DOCK2: variants seen among roughly 807,000 people sequenced by gnomAD.
DOCK2 encodes the protein dedicator of cytokinesis 2.
Under a neutral mutation model 248.9 loss-of-function variants are expected in DOCK2, and 87 were observed. The observed-to-expected ratio is 0.35, with a 90% CI of 0.29 to 0.42. The LOEUF (loss-of-function observed/expected upper bound fraction) is 0.42. DOCK2 is among the 10% of genes least tolerant of loss of function. The probability of loss-of-function intolerance (pLI) is 1.00; values close to 1 mark genes in which losing one functional copy is unlikely to be tolerated. For missense variants in DOCK2, 1,747 were observed against 2,300.2 expected, an observed-to-expected ratio of 0.76 and a Z score of 4.92; for synonymous variants, 805 against 821.6, an observed-to-expected ratio of 0.98 and a Z score of 0.35.
intron 27 of DOCK2, among the ~76,000 whole-genome samples, chr5:169,945,781 C>T (rs1290378553): frequency 1.3e-5 from 2 of 152,346 alleles, no homozygotes; most frequent in Non-Finnish European, 2.9e-5. Context: ...TCTTCAGCAG[C>T]CAGCACCTCT....
chr5:169,987,542 C>A (rs1313528976), intron 29 of DOCK2, among the ~76,000 whole-genome samples: 1 of 152,156 alleles, frequency 6.6e-6, no homozygotes, highest in Non-Finnish European at 1.5e-5. Flanking sequence ...GGAGCCCTGG[C>A]CAGGCAACTT....
chr5:169,777,384 G>A (rs1420229881), intron 25 of DOCK2, among the ~76,000 whole-genome samples: 2 of 152,200 alleles, frequency 1.3e-5, no homozygotes, highest in African/African-American at 2.4e-5. Flanking sequence ...CACACTGAGA[G>A]CCCTCATTAG....
chr5:169,715,726 C>A (rs768482263), intron 19 of DOCK2, among the ~76,000 whole-genome samples: 21 of 152,008 alleles, frequency 1.4e-4, no homozygotes, highest in Admixed American at 3.9e-4. Context: ...ACTCACCACC[C>A]AGAAGAGGAT....
chr5:170,028,791 A>C (rs1756021508), intron 34 of DOCK2, among the ~76,000 whole-genome samples: 1 of 148,748 alleles, frequency 6.7e-6, no homozygotes, highest in Admixed American at 6.7e-5. Context: ...ACACCCAAAC[A>C]CTCCCCCATC....
In DOCK2 at chr5:170,043,793, G is replaced by A. The variant is rs932493465; in HGVS notation, c.3876+1661G>A. On this transcript the variant is annotated intron_variant, in intron 38 of 51. Transcript: ENST00000520908. ...TATGTTGCAGTGTGAGAGCCTAAAAGTACACGTTGAGCTTTGTCCTCAGCA... is the reference window on the plus strand; with the variant it reads ...TATGTTGCAGTGTGAGAGCCTAAAAATACACGTTGAGCTTTGTCCTCAGCA... 3.3e-5 allele frequency among the ~76,000 whole-genome samples: 5 copies of A among 152,188 alleles called. No homozygotes were observed. In the East Asian group the frequency reaches 9.6e-4, roughly 29 times the overall value.
intron 27 of DOCK2, among the ~76,000 whole-genome samples, chr5:169,942,011 A>G (rs1344594656): frequency 6.6e-6 from 1 of 152,218 alleles, no homozygotes; most frequent in Non-Finnish European, 1.5e-5. Context: ...CTGTAGTTGC[A>G]AAATAACAAT....
chr5:169,790,486 T>C (rs746804109), intron 25 of DOCK2, among the ~76,000 whole-genome samples: 8 of 152,350 alleles, frequency 5.3e-5, no homozygotes, highest in Non-Finnish European at 8.8e-5. Flanking sequence ...ATTATTTCAA[T>C]TTATACCCAC....
chr5:169,638,071 T>C (rs905332443), intron 1 of DOCK2, among the ~76,000 whole-genome samples: 1 of 152,190 alleles, frequency 6.6e-6, no homozygotes. Context: ...CAGGTGCTGC[T>C]ACTCTAAGTG....
In DOCK2 at chr5:170,027,960, G is replaced by T. The variant is rs778492064; in HGVS notation, c.3467+12G>T. 2 of 1,609,208 alleles carry T rather than the reference G, an allele frequency of 1.2e-6. No homozygotes were observed. The highest frequency in any genetic ancestry group is 1.7e-6 in the Non-Finnish European group (2 of 1,177,222). On this transcript the variant is annotated intron_variant, in intron 34 of 51. Transcript: ENST00000520908. ...CTCCTGGAGTCAATGTAAGTTCAGT[G>T]CCCTGTGTGTAGGAACAGCCTGTGA...
chr5:169,774,589 G>A (rs1179548016), intron 25 of DOCK2, among the ~76,000 whole-genome samples: 3 of 152,192 alleles, frequency 2.0e-5, no homozygotes, highest in East Asian at 3.8e-4. Context: ...AGGAGCTTAC[G>A]ATTGGAGAAG....
chr5:169,965,804 A>G (rs533400867), intron 27 of DOCK2, among the ~76,000 whole-genome samples: 95 of 152,324 alleles, frequency 6.2e-4, no homozygotes, highest in African/African-American at 2.2e-3. Context: ...AGGCCTATAG[A>G]GGTTAAAATA....
At chr5:170,003,795 C>T (rs1754923040) in intron 30 of DOCK2, among the ~76,000 whole-genome samples, 1 of 152,196 alleles carries the variant, frequency 6.6e-6, no homozygotes, top group Admixed American at 6.5e-5. Flanking sequence ...AGGCTTGGGG[C>T]AGAGGCCTTA....
chr5:169,959,046 T>C (rs1561851029), intron 27 of DOCK2, among the ~76,000 whole-genome samples: 2 of 152,084 alleles, frequency 1.3e-5, no homozygotes, highest in Non-Finnish European at 2.9e-5. Context: ...AAACAACATA[T>C]GAAAATGTAG....
chr5:169,954,784 A>T (rs1776796239), intron 27 of DOCK2, among the ~76,000 whole-genome samples: 1 of 152,204 alleles, frequency 6.6e-6, no homozygotes, highest in Non-Finnish European at 1.5e-5. Flanking sequence ...GAGTGACCTC[A>T]TGAGAGGTCA....
chr5:169,672,995 G>A (rs1759123455), intron 5 of DOCK2, among the ~76,000 whole-genome samples: 1 of 152,182 alleles, frequency 6.6e-6, no homozygotes, highest in African/African-American at 2.4e-5. Flanking sequence ...TTCACCTTCT[G>A]GGAAGCCCCT....
chr5:169,840,690 G>A, intron 26 of DOCK2, 67 bp from the exon 27 acceptor site: 1 of 1,469,770 alleles, frequency 6.8e-7, no homozygotes, highest in Non-Finnish European at 9.4e-7. Flanking sequence ...TGTTGTCTGT[G>A]TCCTTTGTAC....
At chr5:169,905,293 GT>G (rs35677067) in intron 27 of DOCK2, among the ~76,000 whole-genome samples, 22,962 of 146,114 alleles carry the variant, frequency 0.16, 2,114 homozygotes, top group African/African-American at 0.26. Flanking sequence ...TAGAGCCAGT[GT>G]TTTTTTTTTT....
In DOCK2 at chr5:170,082,097, G is replaced by T. The variant is rs115085120; in HGVS notation, c.5430+113G>T. Reference sequence around the variant, plus strand: ...GTGTGCATATGTGGTCATTCCTAGGGAGGCATAGTCAGGAGGCCCTGAGTT... The same window carrying T: ...GTGTGCATATGTGGTCATTCCTAGGTAGGCATAGTCAGGAGGCCCTGAGTT... On this transcript the variant is annotated intron_variant, in intron 51 of 51. Coordinates refer to ENST00000520908, the MANE Select transcript of DOCK2 (RefSeq NM_004946.3). 2,062 of 1,441,260 alleles carry T rather than the reference G, an allele frequency of 1.4e-3. 25 individuals carry two copies. In the African/African-American group the frequency reaches 0.027, roughly 19 times the overall value. 89.3% of individuals were successfully genotyped at this position (1,441,260 alleles called of 1,614,324 possible).
intron 27 of DOCK2, among the ~76,000 whole-genome samples, chr5:169,917,164 G>A (rs1774920175): frequency 6.6e-6 from 1 of 152,180 alleles, no homozygotes; most frequent in Non-Finnish European, 1.5e-5. Flanking sequence ...AAAATTCACA[G>A]CAACCAATCT....
Sources: gnomAD v4.1 joint callset for allele counts (sites outside exome capture counted in the v4.1 genomes callset) on GRCh38, gnomAD v4.1.1 for gene constraint, MANE v1.5 for transcripts, NCBI Gene and HGNC (gene_info 2026-07-23, HGNC 2026-07-21) for gene names.